Variants in CARNS1 observed in about 807,000 individuals in gnomAD.
CARNS1 encodes the protein carnosine synthase 1, also known as ATP-grasp domain containing 1.
CARNS1 carries 61 observed loss-of-function variants against 74.0 expected under a neutral mutation model. The observed-to-expected ratio is 0.82, with a 90% CI of 0.67 to 1.02. The LOEUF is 1.02. Ranked by LOEUF, CARNS1 falls within the 50% of genes least tolerant of loss-of-function variation. CARNS1 has a pLI of 0.00. For missense variants in CARNS1, 1,278 were observed against 1,308.4 expected, an observed-to-expected ratio of 0.98 and a Z score of 0.36; for synonymous variants, 568 against 605.5, an observed-to-expected ratio of 0.94 and a Z score of 0.91.
intron 9 of CARNS1, among the ~76,000 whole-genome samples, chr11:67,422,344 C>T (rs747891700): frequency 4.6e-5 from 7 of 151,712 alleles, no homozygotes; most frequent in East Asian, 1.9e-4. Context: ...CCAACATGTC[C>T]GGCTAATTTT....
rs569391532 is a variant in CARNS1 at position 67,419,014 on chromosome 11, G to A, written c.623G>A (p.Arg208Gln). ...CPTGASAELA[R>Q]LLEDRLLTRQ... ...ACAGGAGCTTCGGCTGAGCTGGCCC[G>A]GCTGCTGGAGGACCGGCTGCTGACA... The change falls in exon 5 of 10, where the codon CGG becomes CAG. Residue 208 changes from arginine (R) to glutamine (Q), a missense_variant. Transcript: ENST00000687366. 44 of 1,558,636 alleles carry A rather than the reference G, an allele frequency of 2.8e-5. No homozygotes were observed. In the East Asian group the frequency reaches 8.2e-4, roughly 29 times the overall value.
chr11:67,419,927 C>T (rs1483498863), intron 7 of CARNS1, 89 bp downstream of exon 7: 15 of 1,355,604 alleles, frequency 1.1e-5, no homozygotes, highest in African/African-American at 2.9e-5. Flanking sequence ...CCTGAGCCGT[C>T]TCTGGGCAGA....
chr11:67,415,923 C>A (rs1462148274), intron 1 of CARNS1, among the ~76,000 whole-genome samples, 160 bp downstream of exon 1: 1 of 151,968 alleles, frequency 6.6e-6, no homozygotes, highest in Non-Finnish European at 1.5e-5. Context: ...CCCCCCCGCG[C>A]TGGAGGGGCA....
intron 2 of CARNS1, chr11:67,416,725 C>A: frequency 1.0e-6 from 1 of 986,338 alleles, no homozygotes; most frequent in Non-Finnish European, 1.2e-6. Context: ...TCCATTCACA[C>A]GAAGCCTCCC....
Position 67,424,127 on chromosome 11 carries a change from CG to C in CARNS1, c.2380del (p.Asp794MetfsTer10). 6.2e-7 allele frequency: 1 copy of C among 1,613,824 alleles called. No individual in the cohort carries two copies. Among genetic ancestry groups the C allele is most frequent in the South Asian group, 1.1e-5 (1 of 91,082 alleles). On this transcript the variant is annotated frameshift_variant, in exon 10 of 10. Coordinates refer to ENST00000687366, the MANE Select transcript of CARNS1 (RefSeq NM_001166222.2). LOFTEE classifies it high-confidence loss of function. The stretch of plus-strand genomic sequence containing the variant: ...GCTGTTGCCTGGGCTGCGGGTTGCT[CG>C]ATGGAGTCTTCAACGTGGAGCTCAA... ...FRCCLGCGLL[D>X]GVFNVELKLT...
intron 9 of CARNS1, among the ~76,000 whole-genome samples, chr11:67,421,455 G>T (rs914243392): frequency 2.0e-5 from 3 of 152,212 alleles, no homozygotes; most frequent in African/African-American, 7.2e-5. Context: ...AGGCCCTGGG[G>T]AGGGCAGGGA....
At chr11:67,422,025 G>T (rs1863719798) in intron 9 of CARNS1, among the ~76,000 whole-genome samples, 1 of 151,902 alleles carries the variant, frequency 6.6e-6, no homozygotes. Flanking sequence ...GGGACTACAG[G>T]CGCCCGCCAC....
chr11:67,420,037 C>A (rs1341225215), intron 7 of CARNS1, among the ~76,000 whole-genome samples, 199 bp downstream of exon 7: 1 of 152,202 alleles, frequency 6.6e-6, no homozygotes, highest in Non-Finnish European at 1.5e-5. Flanking sequence ...CCTCCCACAC[C>A]AAGAGCCCCT....
Position 67,420,840 on chromosome 11 carries a change from GGTGA to G in CARNS1, c.1345+6_1345+9del. 2 of 1,251,022 alleles carry G rather than the reference GGTGA, an allele frequency of 1.6e-6. No individual in the cohort carries two copies. Among genetic ancestry groups the G allele is most frequent in the Non-Finnish European group, 1.0e-6 (1 of 1,000,612 alleles). The allele number at this position is 1,251,022 out of a possible 1,614,324, so 77.5% of individuals were successfully genotyped here. A position where few individuals can be genotyped will look rare whatever the true frequency, so the allele number is the denominator to read the frequency against. Reference sequence around the variant, plus strand: ...GCGCCGGGCGCACACGGACTTCCTGGGTGAGTGAGGGCGGCCGGGGCCGGGGCCG... The same window carrying G: ...GCGCCGGGCGCACACGGACTTCCTGGGTGAGGGCGGCCGGGGCCGGGGCCG... On this transcript the variant is annotated splice_donor_variant and splice_donor_region_variant and intron_variant, in intron 8 of 9. Transcript: ENST00000687366. LOFTEE classifies it high-confidence loss of function.
Position 67,418,969 on chromosome 11 carries a change from C to T in CARNS1, c.578C>T (p.Ala193Val), listed in dbSNP as rs1863617966. 1 of 1,568,188 alleles carries T rather than the reference C, an allele frequency of 6.4e-7. No homozygotes were observed. The highest frequency in any genetic ancestry group is 8.6e-7 in the Non-Finnish European group (1 of 1,157,122). The change falls in exon 5 of 10, where the codon GCC becomes GTC. Residue 193 changes from alanine (A) to valine (V), a missense_variant. Physicochemically the swap from Ala to Val is moderately conservative, Grantham distance 64. This residue lies in a region of CARNS1 where 1,164 missense variants were observed against 1,156.5 expected (regional missense o/e 1.01). Transcript: ENST00000687366. ...PGRGREAAELARDLTCPTGAS... is the reference protein window; with the variant it reads ...PGRGREAAELVRDLTCPTGAS... The stretch of plus-strand genomic sequence containing the variant: ...CGGGGCCGAGAGGCAGCAGAACTCG[C>T]CCGTGACCTGACCTGCCCCACAGGA...
chr11:67,424,765 C>G lies in CARNS1; in HGVS notation c.*164C>G. ...CAGAGCAGCAGGGCAATTTAGACAC[C>G]AAGGCATCCTGGACTCAAGGGCCTC... On this transcript the variant is annotated 3_prime_UTR_variant, in exon 10 of 10. Coordinates refer to ENST00000687366, the MANE Select transcript of CARNS1 (RefSeq NM_001166222.2). 1.3e-6 allele frequency: 1 copy of G among 798,530 alleles called. No individual in the cohort carries two copies. The highest frequency in any genetic ancestry group is 1.9e-6 in the Non-Finnish European group (1 of 515,246). 49.5% of individuals were successfully genotyped at this position (798,530 alleles called of 1,614,324 possible). A position where few individuals can be genotyped will look rare whatever the true frequency, so the allele number is the denominator to read the frequency against.
Position 67,423,412 on chromosome 11 carries a change from C to T in CARNS1, c.1664C>T (p.Ser555Phe), listed in dbSNP as rs767722483. 3 of 1,610,118 alleles carry T rather than the reference C, an allele frequency of 1.9e-6. No individual in the cohort carries two copies. Among genetic ancestry groups the T allele is most frequent in the South Asian group, 2.2e-5 (2 of 90,944 alleles). ...LVESDPNHFA[S>F]QLVQTFIHFD... Reference sequence around the variant, plus strand: ...GAGTCAGACCCCAACCACTTTGCATCCCAGTTGGTACAGACCTTCATCCAC... The same window carrying T: ...GAGTCAGACCCCAACCACTTTGCATTCCAGTTGGTACAGACCTTCATCCAC... The change falls in exon 10 of 10, where the codon TCC (serine) becomes TTC (phenylalanine). Residue 555 changes from serine to phenylalanine, a missense_variant. This residue lies in a region of CARNS1 where 1,164 missense variants were observed against 1,156.5 expected (regional missense o/e 1.01). Transcript: ENST00000687366. The surrounding 1 kb of genome is among the most constrained non-coding windows in gnomAD (Gnocchi z 5.1).
chr11:67,417,805 A>T, intron 3 of CARNS1, 128 bp downstream of exon 3: 1 of 636,696 alleles, frequency 1.6e-6, no homozygotes. Context: ...AAGGCAGGGA[A>T]GGCACAGCCA....
intron 8 of CARNS1, 42 bp from the exon 9 acceptor site, chr11:67,420,897 G>C (rs1565136897): frequency 4.5e-6 from 6 of 1,341,258 alleles, no homozygotes; most frequent in Middle Eastern, 2.8e-4. Flanking sequence ...GCTGGAGGGC[G>C]GTGGCTGCCG....
rs1863682374 is a variant in CARNS1 at position 67,421,022 on chromosome 11, T to G, written c.1429T>G (p.Cys477Gly). 7.3e-7 allele frequency: 1 copy of G among 1,373,716 alleles called. No individual in the cohort carries two copies. The highest frequency in any genetic ancestry group is 3.6e-5 in the Admixed American group (1 of 27,542). 85.1% of individuals were successfully genotyped at this position (1,373,716 alleles called of 1,614,324 possible). A position where few individuals can be genotyped will look rare whatever the true frequency, so the allele number is the denominator to read the frequency against. ...ELNGGLCLEA[C>G]GALEGLWAAP... ...GAACGGCGGCCTGTGTCTGGAGGCG[T>G]GCGGCGCGCTGGAGGGGCTGTGGGC... Residue 477 changes from cysteine to glycine, a missense_variant, in exon 9 of 10, where the codon TGC becomes GGC. Cys to Gly is a radical substitution (Grantham distance 159). Around this residue, in one of 3 missense-constraint regions of CARNS1, gnomAD observed 1,164 missense variants for 1,156.5 expected, o/e 1.01. Transcript: ENST00000687366.
At chr11:67,416,075 C>G in intron 1 of CARNS1, 101 bp from the exon 2 acceptor site, 1 of 747,382 alleles carries the variant, frequency 1.3e-6, no homozygotes, top group South Asian at 1.5e-5. Context: ...GGACAGGTGT[C>G]GGCCACCTCT....
In CARNS1 at chr11:67,423,526, G is replaced by A; in HGVS notation, c.1778G>A (p.Cys593Tyr). The part of the protein sequence containing the change: ...VRARGLKLDG[C>Y]FSYWDDCLVL... ...GCTCGCGGCCTCAAGCTAGATGGCTGCTTCTCCTACTGGGATGACTGCCTG... is the reference window on the plus strand; with the variant it reads ...GCTCGCGGCCTCAAGCTAGATGGCTACTTCTCCTACTGGGATGACTGCCTG... Residue 593 changes from cysteine (C) to tyrosine (Y), a missense_variant, in exon 10 of 10, where the codon TGC (cysteine) becomes TAC (tyrosine). Cys to Tyr is a radical substitution (Grantham distance 194). This residue lies in a region of CARNS1 where 1,164 missense variants were observed against 1,156.5 expected (regional missense o/e 1.01). Transcript: ENST00000687366. This position sits in a 1 kb window ranked among gnomAD's most constrained non-coding sequence, Gnocchi z 5.1. The A allele has an allele frequency of 1.2e-6, 2 of 1,613,538 alleles. No homozygotes were observed. The highest frequency in any genetic ancestry group is 1.1e-5 in the South Asian group (1 of 90,988).
In CARNS1 at chr11:67,419,799, G is replaced by C. The variant is rs761429309; in HGVS notation, c.1074G>C (p.Val358=). ...GCCTGGCCGTGCGAATCTGTGCTGT[G>C]GTGTGTCGGACACAGGGTGATAGGC... ...GPGLAVRICA[V]VCRTQGDRPL... The change falls in exon 7 of 10, where the codon GTG becomes GTC. Residue 358 remains valine (V), a synonymous_variant. Transcript: ENST00000687366. 1.2e-6 allele frequency: 2 copies of C among 1,601,526 alleles called. No individual in the cohort carries two copies. Among genetic ancestry groups the C allele is most frequent in the East Asian group, 2.3e-5 (1 of 43,984 alleles).
rs1387387221 is a variant in CARNS1 at position 67,424,674 on chromosome 11, C to T, written c.*73C>T. 2.1e-6 allele frequency: 3 copies of T among 1,436,276 alleles called. No homozygotes were observed. The highest frequency in any genetic ancestry group is 2.8e-6 in the Non-Finnish European group (3 of 1,076,814). The allele number at this position is 1,436,276 out of a possible 1,614,324, so 89.0% of individuals were successfully genotyped here. ...GTGCCCTCTGCTCCCTGGAGCTCTT[C>T]CTGCTTCTCTCCCCATCACCATGCC... On this transcript the variant is annotated 3_prime_UTR_variant, in exon 10 of 10. Transcript: ENST00000687366.
Sources: gnomAD v4.1 joint callset for allele counts (sites outside exome capture counted in the v4.1 genomes callset) on GRCh38, gnomAD v4.1.1 for gene constraint, gnomAD v4.1.1 regional missense constraint, Gnocchi (gnomAD v3.1) non-coding constraint, MANE v1.5 for transcripts, NCBI Gene and HGNC (gene_info 2026-07-23, HGNC 2026-07-21) for gene names.